The following MDN1 variants were observed in gnomAD, a reference collection of about 807,000 sequenced individuals.
MDN1 encodes midasin.
MDN1 carries 266 observed loss-of-function variants against 669.2 expected under a neutral mutation model. The observed-to-expected ratio is 0.40, with a 90% CI of 0.36 to 0.44. MDN1 has a LOEUF of 0.44. Ranked by LOEUF, MDN1 falls within the 20% of genes least tolerant of loss-of-function variation. The probability of loss-of-function intolerance (pLI) is 1.00; values close to 1 mark genes in which losing one functional copy is unlikely to be tolerated. For synonymous variants in MDN1, 2,385 were observed against 2,457.1 expected, an observed-to-expected ratio of 0.97 and a Z score of 0.87; for missense variants, 5,940 against 6,754.0, an observed-to-expected ratio of 0.88 and a Z score of 4.22.
Position 89,690,014 on chromosome 6 carries a change from G to A in MDN1, c.10879C>T (p.His3627Tyr). ...GCAAAGTTGAGACACAATTGCTGGT[G>A]TATCAGCATTACTGCCTGCATTGAA... ...QNSMQAVMLIHQQLCLNFARS... is the reference protein window; with the variant it reads ...QNSMQAVMLIYQQLCLNFARS... The change falls in exon 65 of 102, where the codon CAC (histidine) becomes TAC (tyrosine). Residue 3627 changes from histidine (H) to tyrosine (Y), a missense_variant. His to Tyr is a moderately conservative substitution (Grantham distance 83, BLOSUM62 2). Around this residue, in one of 5 missense-constraint regions of MDN1, gnomAD observed 2,280 missense variants for 2,576.3 expected, o/e 0.88. Transcript: ENST00000369393. 1 of 1,614,212 alleles carries A rather than the reference G, an allele frequency of 6.2e-7. No homozygotes were observed. The highest frequency in any genetic ancestry group is 8.5e-7 in the Non-Finnish European group (1 of 1,180,042).
At chr6:89,698,337 T>C (rs548933350) in intron 59 of MDN1, among the ~76,000 whole-genome samples, 6 of 152,212 alleles carry the variant, frequency 3.9e-5, no homozygotes, top group African/African-American at 1.2e-4. Flanking sequence ...ATGCTTATTA[T>C]AGGAAGAGGG....
Position 89,729,014 on chromosome 6 carries a change from C to A in MDN1, c.5266G>T (p.Gly1756Cys). 6.2e-7 allele frequency: 1 copy of A among 1,614,114 alleles called. No individual in the cohort carries two copies. The highest frequency in any genetic ancestry group is 8.5e-7 in the Non-Finnish European group (1 of 1,179,992). ...CCCACCAAACTTGTCTTGCCAACAC[C>A]AGGGGAACCCTCCAGGAGAATGGGC... ...KKPILLEGSP[G>C]VGKTSLVGAL... is the part of the protein sequence containing the mutation. Residue 1756 changes from glycine (G) to cysteine (C), a missense_variant, in exon 36 of 102, where the codon GGT (glycine) becomes TGT (cysteine). By Grantham distance (159) the Gly-to-Cys change is radical. Transcript: ENST00000369393.
At chr6:89,697,266 C>A (rs149273466) in intron 59 of MDN1, among the ~76,000 whole-genome samples, 1 of 152,072 alleles carries the variant, frequency 6.6e-6, no homozygotes, top group Non-Finnish European at 1.5e-5. Context: ...AAATTTGCAT[C>A]CCTATATCAT....
At chr6:89,793,501 C>A (rs1172502803) in intron 5 of MDN1, among the ~76,000 whole-genome samples, 1 of 152,116 alleles carries the variant, frequency 6.6e-6, no homozygotes. Flanking sequence ...TCCCTTGAGT[C>A]CAGGAGTTCC....
Position 89,667,281 on chromosome 6 carries a change from C to CA in MDN1, c.14094+732dup, listed in dbSNP as rs1020471811. Among the ~76,000 whole-genome samples, 558 of 138,968 alleles carry CA rather than the reference C, an allele frequency of 4.0e-3. 1 individual carries two copies. Among genetic ancestry groups the CA allele is most frequent in the African/African-American group, 6.6e-3 (251 of 38,004 alleles). 91.2% of individuals were successfully genotyped at this position (138,968 alleles called of 152,430 possible). On this transcript the variant is annotated intron_variant, in intron 84 of 101. Transcript: ENST00000369393. ...CAATTATCTAAGGACAATATAGGTC[C>CA]AAAAAAAAAAAATTAGAGCTCCATA...
chr6:89,774,655 G>C lies in MDN1; in HGVS notation c.1900C>G (p.Leu634Val). 1.2e-6 allele frequency: 2 copies of C among 1,613,694 alleles called. No individual in the cohort carries two copies. The highest frequency in any genetic ancestry group is 1.1e-5 in the South Asian group (1 of 91,060). The change falls in exon 13 of 102, where the codon CTA becomes GTA. Residue 634 changes from leucine to valine, a missense_variant. Leu to Val is a conservative substitution (Grantham distance 32). This residue lies in a region of MDN1 where 1,203 missense variants were observed against 1,268.9 expected (regional missense o/e 0.95). Coordinates refer to ENST00000369393, the MANE Select transcript of MDN1 (RefSeq NM_014611.3). ...LDLQVGRVRL[L>V]RKQSEAVHLQ... Reference sequence around the variant, plus strand: ...TGAACAGCCTCACTTTGTTTCCGTAGAAGCCGCACTCGACCCACTTGCAAA... The same window carrying C: ...TGAACAGCCTCACTTTGTTTCCGTACAAGCCGCACTCGACCCACTTGCAAA...
At position 89,682,714 on chromosome 6, in the gene MDN1, A is replaced by C. The variant is rs927515076; in HGVS notation, c.12102+418T>G. ...GACTCTGTCTTAAAAAAAAAAAAAA[A>C]AAAAAAAAAAAAACTAAAAGTTCAA... On this transcript the variant is annotated intron_variant, in intron 73 of 101. Coordinates refer to ENST00000369393, the MANE Select transcript of MDN1 (RefSeq NM_014611.3). Among the ~76,000 whole-genome samples, 330 of 145,718 alleles carry C rather than the reference A, an allele frequency of 2.3e-3. 4 individuals carry two copies. The highest frequency in any genetic ancestry group is 3.8e-3 in the Non-Finnish European group (255 of 66,442).
At position 89,740,236 on chromosome 6, in the gene MDN1, C is replaced by G. The variant is rs773878140; in HGVS notation, c.4591G>C (p.Glu1531Gln). Residue 1531 changes from glutamate (E) to glutamine (Q), a missense_variant and splice_region_variant, in exon 32 of 102, where the codon GAG (glutamate) becomes CAG (glutamine). By Grantham distance (29) the Glu-to-Gln change is conservative. This residue lies in a region of MDN1 where 2,292 missense variants were observed against 2,638.3 expected (regional missense o/e 0.87). Coordinates refer to ENST00000369393, the MANE Select transcript of MDN1 (RefSeq NM_014611.3). ...AATGTGCATCAGTAAAGTTTTACCT[C>G]CTTTTTTCCAAAGTCACCCCCAGGG... ...MNPGGDFGKK[E>Q]LSPALRNRFT... 6.2e-7 allele frequency: 1 copy of G among 1,611,714 alleles called. No individual in the cohort carries two copies. The highest frequency in any genetic ancestry group is 1.7e-5 in the Admixed American group (1 of 59,410).
chr6:89,754,056 ATCC>A (rs776149108), intron 21 of MDN1, 24 bp downstream of exon 21: 39 of 1,607,766 alleles, frequency 2.4e-5, no homozygotes, highest in East Asian at 2.0e-4. Flanking sequence ...TTAAGCTCAT[ATCC>A]AGTCAAAGAG....
At chr6:89,661,164 G>T (rs1438829317) in intron 88 of MDN1, among the ~76,000 whole-genome samples, 1 of 152,192 alleles carries the variant, frequency 6.6e-6, no homozygotes, top group Non-Finnish European at 1.5e-5. Flanking sequence ...AGTGCTGTGT[G>T]TGAAGCACCA....
chr6:89,815,230 A>G (rs76611312), intron 1 of MDN1: 45,995 of 401,042 alleles, frequency 0.11, 2,938 homozygotes, highest in East Asian at 0.21. Flanking sequence ...CAGAGCCCCT[A>G]CTCCTTGACA....
intron 58 of MDN1, among the ~76,000 whole-genome samples, chr6:89,699,264 T>C (rs1812977357): frequency 6.6e-6 from 1 of 152,190 alleles, no homozygotes; most frequent in Admixed American, 6.5e-5. Context: ...TGTACCAGTA[T>C]TCATATTCAA....
Position 89,644,007 on chromosome 6 carries a change from A to C in MDN1, c.16789T>G (p.Ter5597GluextTer8). 20 of 1,608,236 alleles carry C rather than the reference A, an allele frequency of 1.2e-5. No individual in the cohort carries two copies. Among genetic ancestry groups the C allele is most frequent in the Non-Finnish European group, 1.7e-5 (20 of 1,176,994 alleles). The change falls in exon 102 of 102, where the codon TAG becomes GAG. Residue 5597 changes from the stop codon to glutamate, a stop_lost. Transcript: ENST00000369393. Reference sequence around the variant, plus strand: ...CACTTTGGACTCTTCTTTCTGTTCTATGGGTGGTCAGAGGCTGTCACCAAC... The same window carrying C: ...CACTTTGGACTCTTCTTTCTGTTCTCTGGGTGGTCAGAGGCTGTCACCAAC... The part of the protein sequence containing the change: ...FELVTASDHP[*>E]
At chr6:89,688,495 C>A (rs898026419) in intron 66 of MDN1, 78 bp downstream of exon 66, 7 of 1,335,088 alleles carry the variant, frequency 5.2e-6, no homozygotes, top group Admixed American at 2.1e-5. Flanking sequence ...AAGTGGGTGC[C>A]CCCAGGGATA....
chr6:89,669,405 T>G (rs1488836795), intron 83 of MDN1, among the ~76,000 whole-genome samples: 1 of 152,224 alleles, frequency 6.6e-6, no homozygotes, highest in African/African-American at 2.4e-5. Context: ...TTATTATTAT[T>G]ACTGTTACTT....
At chr6:89,813,089 C>A (rs866525905) in intron 1 of MDN1, among the ~76,000 whole-genome samples, 1 of 152,104 alleles carries the variant, frequency 6.6e-6, no homozygotes, top group Non-Finnish European at 1.5e-5. Context: ...TATAGGCATG[C>A]GCCACCACGC....
intron 47 of MDN1, 122 bp from the exon 48 acceptor site, chr6:89,712,908 G>C (rs2013736): frequency 0.85 from 740,959 of 875,524 alleles, 314,316 homozygotes; most frequent in East Asian, 1. Context: ...ACTCTTCAAT[G>C]AAAAACACAA....
At chr6:89,660,488 G>A (rs62417296) in intron 88 of MDN1, among the ~76,000 whole-genome samples, 2 of 150,720 alleles carry the variant, frequency 1.3e-5, no homozygotes, top group Non-Finnish European at 3.0e-5. Context: ...CCAGCCTACT[G>A]GGTTTTTTTT....
chr6:89,674,949 A>G lies in MDN1; in HGVS notation c.12762-360T>C, dbSNP rs56817191. On this transcript the variant is annotated intron_variant, in intron 78 of 101. Transcript: ENST00000369393. ...TGTCCTTCAGCCACGAATCCATTCA[A>G]CAGATGACGACAACCTTCCTAACTG... 2.2e-4 allele frequency among the ~76,000 whole-genome samples: 33 copies of G among 152,372 alleles called. No individual in the cohort carries two copies. The East Asian group carries it at 5.2e-3, about 24-fold the overall frequency.
Sources: allele counts gnomAD v4.1 joint callset (sites outside exome capture counted in the v4.1 genomes callset), GRCh38; gene constraint gnomAD v4.1.1; regional missense constraint gnomAD v4.1.1; transcripts MANE v1.5; gene names NCBI Gene and HGNC (gene_info 2026-07-23, HGNC 2026-07-21).